Variants in IL18R1 observed in about 807,000 individuals in gnomAD.
IL18R1 encodes the protein interleukin-18 receptor 1.
Under a neutral mutation model 48.5 loss-of-function variants are expected in IL18R1, and 40 were observed. The ratio of observed to expected loss-of-function variants is 0.82; its 90% CI spans 0.64 to 1.07. IL18R1 has a LOEUF of 1.07. Ranked by LOEUF, IL18R1 falls within the 50% of genes least tolerant of loss-of-function variation. IL18R1 has a pLI of 0.00. For synonymous variants in IL18R1, 232 were observed against 225.9 expected, an observed-to-expected ratio of 1.03 and a Z score of -0.24; for missense variants, 596 against 633.7, an observed-to-expected ratio of 0.94 and a Z score of 0.64.
chr2:102,398,107 G>A lies in IL18R1; in HGVS notation c.*1221G>A, dbSNP rs1370667606. The A allele has an allele frequency of 6.6e-6, 1 of 152,336 alleles. No homozygotes were observed. Among genetic ancestry groups the A allele is most frequent in the Non-Finnish European group, 1.5e-5 (1 of 68,066 alleles). 9.4% of individuals were successfully genotyped at this position (152,336 alleles called of 1,614,324 possible). ...CAGGGAAGGGAAGCAGATCTAGGGAGGAAGGCAGTTTTGATTTGAGGAGGT... is the reference window on the plus strand; with the variant it reads ...CAGGGAAGGGAAGCAGATCTAGGGAAGAAGGCAGTTTTGATTTGAGGAGGT... On this transcript the variant is annotated 3_prime_UTR_variant, in exon 11 of 11. Coordinates refer to ENST00000233957, the MANE Select transcript of IL18R1 (RefSeq NM_003855.5).
At chr2:102,395,377 C>A (rs939040088) in intron 10 of IL18R1, among the ~76,000 whole-genome samples, 2 of 151,582 alleles carry the variant, frequency 1.3e-5, no homozygotes, top group African/African-American at 4.8e-5. Flanking sequence ...TTATTACCAT[C>A]ATTCATGTAT....
chr2:102,395,943 C>T lies in IL18R1; in HGVS notation c.1271-588C>T, dbSNP rs372512826. Among the ~76,000 whole-genome samples, 17 of 152,334 alleles carry T rather than the reference C, an allele frequency of 1.1e-4. 1 individual carries two copies. Among genetic ancestry groups the T allele is most frequent in the African/African-American group, 3.8e-4 (16 of 41,570 alleles). ...CAGAACTGAGTAGTTGTGACAAAGA[C>T]AGTGTGACCTGCAAAGCCTAACATA... is the stretch of plus-strand genomic sequence containing the variant. On this transcript the variant is annotated intron_variant, in intron 10 of 10. Transcript: ENST00000233957.
intron 2 of IL18R1, among the ~76,000 whole-genome samples, chr2:102,365,091 A>G (rs1678809818): frequency 6.6e-6 from 1 of 152,094 alleles, no homozygotes; most frequent in Admixed American, 6.6e-5. Context: ...ACATTTCAAA[A>G]CACAATCATG....
intron 6 of IL18R1, among the ~76,000 whole-genome samples, chr2:102,384,383 T>A (rs1680102191): frequency 6.6e-6 from 1 of 152,224 alleles, no homozygotes; most frequent in Admixed American, 6.5e-5. Flanking sequence ...ACTCTTTCTG[T>A]TAATTACAAA....
At chr2:102,383,690 C>T (rs1411270427) in intron 6 of IL18R1, among the ~76,000 whole-genome samples, 1 of 152,010 alleles carries the variant, frequency 6.6e-6, no homozygotes, top group Non-Finnish European at 1.5e-5. Context: ...CTCTCATAAA[C>T]TGCATGTATT....
rs746601953 is a variant in IL18R1, at chr2:102,372,098, A to T, written c.448A>T (p.Asn150Tyr). ...CENSYYQTLV[N>Y]STSLYKNCKK... The stretch of plus-strand genomic sequence containing the variant: ...AAACAGTTACTATCAAACACTGGTC[A>T]ACAGCACATCATTGTATAAGGTAAT... Residue 150 changes from asparagine to tyrosine, a missense_variant, in exon 4 of 11, where the codon AAC becomes TAC. Around this residue, in one of 3 missense-constraint regions of IL18R1, gnomAD observed 360 missense variants for 339.4 expected, o/e 1.06. Coordinates refer to ENST00000233957, the MANE Select transcript of IL18R1 (RefSeq NM_003855.5). The T allele has an allele frequency of 9.4e-6, 15 of 1,601,072 alleles. No homozygotes were observed. Among genetic ancestry groups the T allele is most frequent in the Non-Finnish European group, 1.3e-5 (15 of 1,176,736 alleles).
chr2:102,390,502 T>G (rs1680499242), intron 9 of IL18R1, among the ~76,000 whole-genome samples: 1 of 152,176 alleles, frequency 6.6e-6, no homozygotes, highest in African/African-American at 2.4e-5. Flanking sequence ...GAACTGTATA[T>G]CTGGGTGTCT....
chr2:102,369,676 C>A (rs963472999), intron 3 of IL18R1, among the ~76,000 whole-genome samples: 4 of 152,216 alleles, frequency 2.6e-5, no homozygotes, highest in African/African-American at 9.6e-5. Context: ...TGTGTATACA[C>A]ATATGTGTTC....
chr2:102,389,342 G>A (rs1338680519), intron 8 of IL18R1, among the ~76,000 whole-genome samples: 2 of 152,110 alleles, frequency 1.3e-5, no homozygotes, highest in Non-Finnish European at 2.9e-5. Flanking sequence ...GTGATTTGTT[G>A]TTAAAAATTA....
At chr2:102,387,327 A>C (rs541262276) in intron 8 of IL18R1, among the ~76,000 whole-genome samples, 3 of 152,180 alleles carry the variant, frequency 2.0e-5, no homozygotes, top group Non-Finnish European at 1.5e-5. Context: ...CTGCACCCAG[A>C]GCAGCCAGAG....
intron 1 of IL18R1, among the ~76,000 whole-genome samples, chr2:102,358,021 T>G (rs1315859908): frequency 6.6e-6 from 1 of 152,126 alleles, no homozygotes; most frequent in Admixed American, 6.5e-5. Context: ...AAAACTGGTG[T>G]TATGATTTTC....
At chr2:102,371,843 T>C in intron 3 of IL18R1, 110 bp from the exon 4 acceptor site, 1 of 658,228 alleles carries the variant, frequency 1.5e-6, no homozygotes, top group South Asian at 2.1e-5. Context: ...AATCAATCTC[T>C]TTAATAAAAA....
intron 5 of IL18R1, among the ~76,000 whole-genome samples, chr2:102,377,489 AT>A (rs939840231): frequency 2.0e-5 from 3 of 151,488 alleles, no homozygotes; most frequent in Admixed American, 6.6e-5. Flanking sequence ...TAATTTTTAT[AT>A]TTTTTTTAGT....
intron 1 of IL18R1, among the ~76,000 whole-genome samples, chr2:102,356,651 T>C (rs759659526): frequency 2.0e-5 from 3 of 152,200 alleles, no homozygotes; most frequent in Non-Finnish European, 4.4e-5. Context: ...ATAACAATAG[T>C]TGTCATTTTT....
chr2:102,379,272 C>T (rs1333507243), intron 5 of IL18R1, among the ~76,000 whole-genome samples: 2 of 151,958 alleles, frequency 1.3e-5, no homozygotes, highest in East Asian at 1.9e-4. Context: ...GGCAAAACCC[C>T]ATCTCTACTA....
Position 102,367,949 on chromosome 2 carries a change from A to G in IL18R1, c.183A>G (p.Gly61=). The change falls in exon 3 of 11, where the codon GGA becomes GGG. Residue 61 remains glycine, a synonymous_variant. Transcript: ENST00000233957. ...CCAAAAGCTGGTACAAAAGCAGTGG[A>G]TCACAGGAACATGTGGAGCTGAACC... is the stretch of plus-strand genomic sequence containing the variant. ...TTTKSWYKSS[G]SQEHVELNPR... is the part of the protein sequence containing the mutation. 6.2e-7 allele frequency: 1 copy of G among 1,614,246 alleles called. No individual in the cohort carries two copies. Among genetic ancestry groups the G allele is most frequent in the Non-Finnish European group, 8.5e-7 (1 of 1,180,050 alleles).
intron 4 of IL18R1, among the ~76,000 whole-genome samples, chr2:102,374,601 A>T (rs1438195920): frequency 1.3e-5 from 2 of 151,294 alleles, no homozygotes; most frequent in African/African-American, 4.9e-5. Context: ...ATATGATGAA[A>T]CCCCGTCTCT....
chr2:102,370,680 C>A (rs1030924630), intron 3 of IL18R1, among the ~76,000 whole-genome samples: 1 of 152,220 alleles, frequency 6.6e-6, no homozygotes, highest in African/African-American at 2.4e-5. Flanking sequence ...TATCCTGGCC[C>A]CATCTTGTAG....
chr2:102,373,848 G>T (rs910170637), intron 4 of IL18R1: 2 of 262,444 alleles, frequency 7.6e-6, no homozygotes, highest in African/African-American at 4.5e-5. Flanking sequence ...GAACCCTATT[G>T]TGAACTGTGC....
Sources: allele counts gnomAD v4.1 joint callset (sites outside exome capture counted in the v4.1 genomes callset), GRCh38; gene constraint gnomAD v4.1.1; regional missense constraint gnomAD v4.1.1; transcripts MANE v1.5; gene names NCBI Gene and HGNC (gene_info 2026-07-23, HGNC 2026-07-21).